The following RELL1 variants were observed in gnomAD, a reference collection of about 807,000 sequenced individuals.
RELL1 encodes the protein RELT-like protein 1.
Under a neutral mutation model 23.0 loss-of-function variants are expected in RELL1, and 10 were observed. That is an observed-to-expected ratio of 0.43 (90% CI 0.27 to 0.74). The LOEUF (loss-of-function observed/expected upper bound fraction) is 0.74. Ranked by LOEUF, RELL1 falls within the 30% of genes least tolerant of loss-of-function variation. The pLI, the probability that RELL1 is intolerant of heterozygous loss-of-function variation, is 0.19. For synonymous variants in RELL1, 146 were observed against 146.8 expected, an observed-to-expected ratio of 0.99 and a Z score of 0.04; for missense variants, 315 against 364.4, an observed-to-expected ratio of 0.86 and a Z score of 1.10.
intron 1 of RELL1, among the ~76,000 whole-genome samples, chr4:37,668,811 G>C (rs1721644836): frequency 2.1e-5 from 3 of 144,980 alleles, no homozygotes. Flanking sequence ...AGGAAGTGAG[G>C]AGCGTCTCTC....
intron 3 of RELL1, among the ~76,000 whole-genome samples, chr4:37,639,383 C>CAAAAAAA (rs58310167): frequency 4.5e-5 from 3 of 66,258 alleles, no homozygotes; most frequent in African/African-American, 6.1e-5. Context: ...GACTCTGTCT[C>CAAAAAAA]AAAAAAAAAA....
chr4:37,653,830 GCT>G (rs1253632616), intron 1 of RELL1, among the ~76,000 whole-genome samples: 1 of 152,184 alleles, frequency 6.6e-6, no homozygotes, highest in East Asian at 1.9e-4. Flanking sequence ...GGAAGCCTAA[GCT>G]TCCCTGTGGA....
intron 1 of RELL1, among the ~76,000 whole-genome samples, chr4:37,663,838 C>A (rs908501378): frequency 6.6e-6 from 1 of 152,150 alleles, no homozygotes; most frequent in Admixed American, 6.5e-5. Flanking sequence ...ATGAACCACA[C>A]AGCTGGGCTG....
At chr4:37,589,279 A>G (rs1486646998), downstream of RELL1, among the ~76,000 whole-genome samples, 1 of 152,222 alleles carries the variant, frequency 6.6e-6, no homozygotes, top group Non-Finnish European at 1.5e-5. Flanking sequence ...CTAACTAAGA[A>G]AAAGGGTAAC....
intron 2 of RELL1, among the ~76,000 whole-genome samples, chr4:37,648,851 G>C (rs1243429166): frequency 6.6e-6 from 1 of 152,140 alleles, no homozygotes; most frequent in Non-Finnish European, 1.5e-5. Context: ...TAATAGTAAG[G>C]ATTAATATTT....
rs549506945 is a variant in RELL1 at position 37,664,162 on chromosome 4, G to T, written c.89-14662C>A. On this transcript the variant is annotated intron_variant, in intron 1 of 6. Coordinates refer to ENST00000454158, the MANE Select transcript of RELL1 (RefSeq NM_001085400.2). ...GGAGGCCGAGGCAGGTGGATCACAA[G>T]GTCAAGAGATCAAGACCATCCTGGC... Among the ~76,000 whole-genome samples, 43 of 152,188 alleles carry T rather than the reference G, an allele frequency of 2.8e-4. No individual in the cohort carries two copies. In the South Asian group the frequency reaches 7.9e-3, roughly 28 times the overall value.
At position 37,683,619 on chromosome 4, in the gene RELL1, A is replaced by G. The variant is rs560970238; in HGVS notation, c.88+2581T>C. On this transcript the variant is annotated intron_variant, in intron 1 of 6. Coordinates refer to ENST00000454158, the MANE Select transcript of RELL1 (RefSeq NM_001085400.2). Reference sequence around the variant, plus strand: ...TAAAAAATACAAAAATTTGCCAGGCATGGTGGCGGGCGCCTATAATCCCAG... The same window carrying G: ...TAAAAAATACAAAAATTTGCCAGGCGTGGTGGCGGGCGCCTATAATCCCAG... Among the ~76,000 whole-genome samples, 5 of 152,192 alleles carry G rather than the reference A, an allele frequency of 3.3e-5. 1 individual carries two copies. The South Asian group carries it at 6.2e-4, about 19-fold the overall frequency.
chr4:37,670,158 T>G (rs1345941855), intron 1 of RELL1, among the ~76,000 whole-genome samples: 1 of 151,978 alleles, frequency 6.6e-6, no homozygotes, highest in Non-Finnish European at 1.5e-5. Flanking sequence ...GGGCATTTTT[T>G]TCTCTTTTTC....
intron 1 of RELL1, among the ~76,000 whole-genome samples, chr4:37,668,900 C>T (rs1474992386): frequency 1.3e-5 from 2 of 151,206 alleles, no homozygotes; most frequent in African/African-American, 4.9e-5. Context: ...CGTCTCTGCC[C>T]GGCCGCCCCG....
chr4:37,683,391 G>A (rs1722285375), intron 1 of RELL1, among the ~76,000 whole-genome samples: 1 of 152,214 alleles, frequency 6.6e-6, no homozygotes. Context: ...TCAGCCAGTT[G>A]TTTAACCTCT....
intron 6 of RELL1, among the ~76,000 whole-genome samples, chr4:37,614,459 TA>T (rs1719508014): frequency 6.6e-6 from 1 of 152,166 alleles, no homozygotes; most frequent in African/African-American, 2.4e-5. Context: ...CACTGTCCAA[TA>T]AAACAGCATG....
intron 6 of RELL1, among the ~76,000 whole-genome samples, chr4:37,626,758 T>C (rs942159837): frequency 1.3e-5 from 2 of 151,916 alleles, no homozygotes; most frequent in Non-Finnish European, 2.9e-5. Flanking sequence ...CTGGAGCACA[T>C]TACATTGAGT....
intron 6 of RELL1, among the ~76,000 whole-genome samples, chr4:37,593,272 T>C (rs527891184): frequency 1.3e-5 from 2 of 152,334 alleles, no homozygotes; most frequent in African/African-American, 4.8e-5. Context: ...TTACCTCTTA[T>C]GTAAAAGAAG....
At chr4:37,605,502 A>C (rs535746180) in intron 6 of RELL1, among the ~76,000 whole-genome samples, 2 of 152,108 alleles carry the variant, frequency 1.3e-5, no homozygotes, top group Non-Finnish European at 2.9e-5. Context: ...AGCACTTTGG[A>C]AGGCTGAGGT....
chr4:37,610,304 A>G (rs1560326781), downstream of RELL1, among the ~76,000 whole-genome samples: 1 of 152,188 alleles, frequency 6.6e-6, no homozygotes, highest in Non-Finnish European at 1.5e-5. The surrounding 1 kb of genome is among the most constrained non-coding windows in gnomAD (Gnocchi z 4.1). Flanking sequence ...ATTATTGCAT[A>G]TACTTAATAG....
At chr4:37,622,879 A>C (rs1427049919) in intron 6 of RELL1, 1 of 441,412 alleles carries the variant, frequency 2.3e-6, no homozygotes, top group East Asian at 7.1e-5. Context: ...ATCTCGGCTC[A>C]CGGCAACCTC....
chr4:37,649,193 A>T, intron 2 of RELL1, 83 bp downstream of exon 2: 1 of 1,113,170 alleles, frequency 9.0e-7, no homozygotes. Context: ...ATTCTGCCTC[A>T]GAGAGATGGA....
intron 1 of RELL1, among the ~76,000 whole-genome samples, chr4:37,675,210 G>A (rs1414541740): frequency 6.6e-6 from 1 of 152,250 alleles, no homozygotes; most frequent in East Asian, 1.9e-4. Flanking sequence ...TTCTCTTTAA[G>A]AAGATGAACC....
downstream of RELL1, among the ~76,000 whole-genome samples, chr4:37,609,383 A>G (rs1245837546): frequency 6.6e-6 from 1 of 152,240 alleles, no homozygotes; most frequent in Non-Finnish European, 1.5e-5. Context: ...ATTGACAAGG[A>G]CCTGGTCAGT....
Sources: gnomAD v4.1 joint callset for allele counts (sites outside exome capture counted in the v4.1 genomes callset) on GRCh38, gnomAD v4.1.1 for gene constraint, Gnocchi (gnomAD v3.1) non-coding constraint, MANE v1.5 for transcripts, NCBI Gene and HGNC (gene_info 2026-07-23, HGNC 2026-07-21) for gene names.